DLGAP2: variants seen among roughly 807,000 people sequenced by gnomAD.
The protein encoded by DLGAP2 is DLG associated protein 2.
DLGAP2 carries 26 observed loss-of-function variants against 100.3 expected under a neutral mutation model. The observed-to-expected ratio is 0.26, with a 90% confidence interval of 0.19 to 0.36. The LOEUF is 0.36. Ranked by LOEUF, DLGAP2 falls within the 10% of genes least tolerant of loss-of-function variation. The pLI, the probability that DLGAP2 is intolerant of heterozygous loss-of-function variation, is 1.00. For synonymous variants in DLGAP2, 886 were observed against 630.1 expected, an observed-to-expected ratio of 1.41 and a Z score of -6.08; for missense variants, 1,858 against 1,453.2, an observed-to-expected ratio of 1.28 and a Z score of -4.53.
chr8:1,540,252 G>A (rs376363651), intron 4 of DLGAP2, among the ~76,000 whole-genome samples: 110 of 152,254 alleles, frequency 7.2e-4, no homozygotes, highest in African/African-American at 2.6e-3. Context: ...CCCTTGCCCC[G>A]CGTTTTTTAG....
intron 3 of DLGAP2, among the ~76,000 whole-genome samples, chr8:1,425,602 C>G (rs1222190086): frequency 2.0e-5 from 3 of 152,204 alleles, no homozygotes; most frequent in Non-Finnish European, 4.4e-5. Flanking sequence ...AGATCCCGGA[C>G]AGCCTGGGCG....
At chr8:806,729 G>A (rs945090411) in intron 1 of DLGAP2, among the ~76,000 whole-genome samples, 8 of 152,196 alleles carry the variant, frequency 5.3e-5, no homozygotes, top group South Asian at 2.1e-4. Flanking sequence ...CATTTGCTTC[G>A]CGTAACCATT....
chr8:1,175,417 G>A (rs1797232316), intron 2 of DLGAP2, among the ~76,000 whole-genome samples: 1 of 152,132 alleles, frequency 6.6e-6, no homozygotes, highest in Non-Finnish European at 1.5e-5. Flanking sequence ...TCATAGTTGT[G>A]ACTAAAATAG....
chr8:1,059,877 G>C (rs1221270347), intron 2 of DLGAP2, among the ~76,000 whole-genome samples: 1 of 152,156 alleles, frequency 6.6e-6, no homozygotes, highest in Non-Finnish European at 1.5e-5. Flanking sequence ...GGGGGCGGTC[G>C]CGATGCAAAT....
intron 3 of DLGAP2, among the ~76,000 whole-genome samples, chr8:1,310,229 A>G (rs1800583968): frequency 6.6e-6 from 1 of 152,186 alleles, no homozygotes; most frequent in Non-Finnish European, 1.5e-5. Flanking sequence ...GTTAACTCCA[A>G]AAAAATCCAC....
At chr8:1,256,326 C>T (rs1320898938) in intron 2 of DLGAP2, among the ~76,000 whole-genome samples, 1 of 126,920 alleles carries the variant, frequency 7.9e-6, no homozygotes, top group Non-Finnish European at 1.6e-5. Flanking sequence ...CTCATCCTGT[C>T]TGGGTGCCAT....
At chr8:952,104 G>A (rs1275303002) in intron 2 of DLGAP2, among the ~76,000 whole-genome samples, 2 of 152,310 alleles carry the variant, frequency 1.3e-5, no homozygotes, top group Non-Finnish European at 2.9e-5. Flanking sequence ...CTCTCCAGGT[G>A]TGGAGGAGTG....
chr8:1,283,558 C>T (rs1585221491), intron 3 of DLGAP2, among the ~76,000 whole-genome samples: 2 of 152,180 alleles, frequency 1.3e-5, no homozygotes, highest in African/African-American at 2.4e-5. Context: ...GGCTTTGCTT[C>T]GTTATAATTT....
intron 3 of DLGAP2, among the ~76,000 whole-genome samples, chr8:1,325,842 G>T (rs989786929): frequency 1.3e-5 from 2 of 152,202 alleles, no homozygotes; most frequent in African/African-American, 4.8e-5. Flanking sequence ...TGCAAGGACC[G>T]TCCATGGAGA....
intron 2 of DLGAP2, among the ~76,000 whole-genome samples, chr8:945,841 C>T (rs4735830): frequency 0.41 from 62,889 of 151,710 alleles, 13,546 homozygotes; most frequent in Admixed American, 0.55. Context: ...TCTCTCTCTG[C>T]GTGTGTCTCT....
chr8:1,108,586 C>G (rs1804851157), intron 2 of DLGAP2, among the ~76,000 whole-genome samples: 1 of 147,698 alleles, frequency 6.8e-6, no homozygotes, highest in East Asian at 2.0e-4. Context: ...GTGCACGGGT[C>G]TGTGAGATGT....
intron 3 of DLGAP2, among the ~76,000 whole-genome samples, chr8:1,382,682 C>CA (rs559753079): frequency 8.6e-5 from 13 of 152,008 alleles, no homozygotes; most frequent in Non-Finnish European, 1.8e-4. Context: ...ATGGAAGCGG[C>CA]AGTGAGCCAT....
chr8:1,430,027 TACACACACACAC>T (rs58468404), intron 3 of DLGAP2, among the ~76,000 whole-genome samples: 1 of 76,888 alleles, frequency 1.3e-5, no homozygotes, highest in African/African-American at 5.0e-5. Flanking sequence ...TATATATATA[TACACACACACAC>T]ATATGAACTT....
intron 2 of DLGAP2, among the ~76,000 whole-genome samples, chr8:1,185,282 A>T (rs948006957): frequency 6.6e-6 from 1 of 152,168 alleles, no homozygotes; most frequent in Admixed American, 6.5e-5. Flanking sequence ...GTCAAACTTC[A>T]GGGCTGTGGT....
chr8:855,811 T>A (rs1263822848), intron 1 of DLGAP2, among the ~76,000 whole-genome samples: 1 of 152,204 alleles, frequency 6.6e-6, no homozygotes, highest in Non-Finnish European at 1.5e-5. Flanking sequence ...CCTGTGGTCA[T>A]ATTCATAGAT....
At chr8:1,653,692 G>C (rs1798219233) in intron 8 of DLGAP2, among the ~76,000 whole-genome samples, 1 of 68,578 alleles carries the variant, frequency 1.5e-5, no homozygotes, top group Non-Finnish European at 3.3e-5. Flanking sequence ...TGCAGGGGCG[G>C]ACTCCTGTAT....
intron 3 of DLGAP2, among the ~76,000 whole-genome samples, chr8:1,277,600 A>C (rs184872473): frequency 6.6e-6 from 1 of 152,314 alleles, no homozygotes; most frequent in East Asian, 1.9e-4. Flanking sequence ...TCAGCCAGGT[A>C]GGTCAGCATC....
At chr8:1,024,414 G>T (rs866518100) in intron 2 of DLGAP2, among the ~76,000 whole-genome samples, 3 of 150,302 alleles carry the variant, frequency 2.0e-5, no homozygotes, top group African/African-American at 7.5e-5. Flanking sequence ...ACAGTCCCGT[G>T]CCGAGGCAGA....
chr8:1,403,730 T>C (rs371805729), intron 3 of DLGAP2, among the ~76,000 whole-genome samples: 150 of 10,202 alleles, frequency 0.015, no homozygotes, highest in African/African-American at 0.024. Context: ...GCCACCTCCT[T>C]GTCCTCCAGA....
Sources: allele counts gnomAD v4.1 joint callset (sites outside exome capture counted in the v4.1 genomes callset), GRCh38; gene constraint gnomAD v4.1.1; transcripts MANE v1.5; gene names NCBI Gene and HGNC (gene_info 2026-07-23, HGNC 2026-07-21).